SPECC1L: variants seen among roughly 807,000 people sequenced by gnomAD.
SPECC1L encodes the protein cytospin-A.
A neutral mutation model predicts 116.8 loss-of-function variants in SPECC1L; 40 were observed. The observed-to-expected ratio is 0.34, with a 90% CI of 0.27 to 0.45. SPECC1L has a LOEUF of 0.45. SPECC1L is among the 20% of genes least tolerant of loss of function. The pLI, the probability that SPECC1L is intolerant of heterozygous loss-of-function variation, is 1.00. For synonymous variants in SPECC1L, 504 were observed against 500.6 expected, an observed-to-expected ratio of 1.01 and a Z score of -0.09; for missense variants, 1,110 against 1,373.6, an observed-to-expected ratio of 0.81 and a Z score of 3.03.
At chr22:24,389,477 C>T (rs1315225668) in intron 14 of SPECC1L, among the ~76,000 whole-genome samples, 1 of 148,616 alleles carries the variant, frequency 6.7e-6, no homozygotes, top group Middle Eastern at 3.3e-3. Context: ...ATTTGTGACA[C>T]TTTTGTCCAG....
At chr22:24,400,914 C>T (rs1278346466) in intron 14 of SPECC1L, among the ~76,000 whole-genome samples, 1 of 152,144 alleles carries the variant, frequency 6.6e-6, no homozygotes, top group Non-Finnish European at 1.5e-5. Flanking sequence ...ACTGGGTTGT[C>T]TTTCTGTTGT....
At chr22:24,330,732 T>C (rs537702137) in intron 8 of SPECC1L, among the ~76,000 whole-genome samples, 2 of 152,282 alleles carry the variant, frequency 1.3e-5, no homozygotes, top group African/African-American at 4.8e-5. Flanking sequence ...TTTCTTTAGA[T>C]TGTAGCCTCA....
At chr22:24,273,259 A>G (rs1168970163) in intron 1 of SPECC1L, among the ~76,000 whole-genome samples, 1 of 152,240 alleles carries the variant, frequency 6.6e-6, no homozygotes, top group East Asian at 1.9e-4. Context: ...TATCATATAC[A>G]TATTTAAATC....
Position 24,385,021 on chromosome 22 carries a change from C to A in SPECC1L, c.3087+15701C>A, listed in dbSNP as rs1170010097. On this transcript the variant is annotated intron_variant, in intron 14 of 16. Transcript: ENST00000314328. ...GAGCTTGCAGTGAGCTGAGATCGCG[C>A]CACTGAACTCCACCCTGGGGCACAA... is the stretch of plus-strand genomic sequence containing the variant. Among the ~76,000 whole-genome samples, 8 of 150,550 alleles carry A rather than the reference C, an allele frequency of 5.3e-5. No homozygotes were observed. In the East Asian group the frequency reaches 1.4e-3, roughly 26 times the overall value.
chr22:24,392,217 G>A (rs916334506), intron 14 of SPECC1L, among the ~76,000 whole-genome samples: 7 of 152,192 alleles, frequency 4.6e-5, no homozygotes, highest in South Asian at 2.1e-4. Context: ...TTTTTATTAC[G>A]AGTAATGCTG....
chr22:24,331,442 T>A (rs5760347), intron 8 of SPECC1L, among the ~76,000 whole-genome samples: 6,770 of 152,310 alleles, frequency 0.044, 335 homozygotes, highest in South Asian at 0.14. Context: ...TTTTTTCTCT[T>A]TATTATTAAA....
chr22:24,402,425 C>T (rs909521472), intron 14 of SPECC1L, among the ~76,000 whole-genome samples: 2 of 152,084 alleles, frequency 1.3e-5, no homozygotes, highest in African/African-American at 4.8e-5. Flanking sequence ...CACCATACTA[C>T]ACAGAAAAGG....
Position 24,322,020 on chromosome 22 carries a change from G to A in SPECC1L, c.1040G>A (p.Ser347Asn). Reference sequence around the variant, plus strand: ...AGTAACTCCATGGACAATTTAGACAGTGAGTGCAGTGAGGTCTACCAGCCC... The same window carrying A: ...AGTAACTCCATGGACAATTTAGACAATGAGTGCAGTGAGGTCTACCAGCCC... ...QHSNSMDNLD[S>N]ECSEVYQPLT... Residue 347 changes from serine to asparagine, a missense_variant, in exon 5 of 17, where the codon AGT becomes AAT. Ser to Asn is a conservative substitution (Grantham distance 46, BLOSUM62 1). This residue lies in a region of SPECC1L where 437 missense variants were observed against 482.6 expected (regional missense o/e 0.91). Transcript: ENST00000314328. 1 of 1,614,220 alleles carries A rather than the reference G, an allele frequency of 6.2e-7. No homozygotes were observed. The highest frequency in any genetic ancestry group is 8.5e-7 in the Non-Finnish European group (1 of 1,180,042).
chr22:24,328,890 GAAAT>G lies in SPECC1L; in HGVS notation c.2195_2198del (p.Ile732ArgfsTer25). 3 of 1,613,742 alleles carry G rather than the reference GAAAT, an allele frequency of 1.9e-6. No homozygotes were observed. Among genetic ancestry groups the G allele is most frequent in the Non-Finnish European group, 2.5e-6 (3 of 1,179,740 alleles). The stretch of plus-strand genomic sequence containing the variant: ...GGACCAAAAGCACGACATGGAAAGA[GAAAT>G]AAAGACACTCCACAGAAGACTTCGG... On this transcript the variant is annotated frameshift_variant, in exon 7 of 17. Coordinates refer to ENST00000314328, the MANE Select transcript of SPECC1L (RefSeq NM_015330.6). LOFTEE classifies it high-confidence loss of function.
chr22:24,315,595 G>A (rs1314691751), intron 4 of SPECC1L, among the ~76,000 whole-genome samples: 3 of 152,214 alleles, frequency 2.0e-5, no homozygotes, highest in Admixed American at 1.3e-4. Context: ...CTTTAGAATT[G>A]TACTGGGAGA....
At chr22:24,384,932 T>TGGGCACCTGTAGTCCCA (rs1193845248) in intron 14 of SPECC1L, among the ~76,000 whole-genome samples, 5 of 151,362 alleles carry the variant, frequency 3.3e-5, no homozygotes, top group African/African-American at 1.2e-4. Context: ...AAAAATTAGG[T>TGGGCACCTGTAGTCCCA]GGGCACCTGT....
At chr22:24,272,055 T>TA (rs1344507349) in intron 1 of SPECC1L, among the ~76,000 whole-genome samples, 5 of 152,174 alleles carry the variant, frequency 3.3e-5, no homozygotes, top group Non-Finnish European at 7.4e-5. Context: ...ATGTAGGTGA[T>TA]ACCAAAGGGA....
intron 15 of SPECC1L, chr22:24,412,160 G>A (rs2042710671): frequency 2.9e-6 from 1 of 348,364 alleles, no homozygotes; most frequent in Admixed American, 3.9e-5. Context: ...ATGGTTTAAT[G>A]TTTCATCCAG....
chr22:24,290,287 G>T (rs2049132868), intron 2 of SPECC1L, among the ~76,000 whole-genome samples: 1 of 152,208 alleles, frequency 6.6e-6, no homozygotes, highest in South Asian at 2.1e-4. Context: ...TACCTGGAGT[G>T]GGGAGAGGAC....
At chr22:24,355,811 C>T (rs1218011752) in intron 11 of SPECC1L, among the ~76,000 whole-genome samples, 8 of 151,416 alleles carry the variant, frequency 5.3e-5, no homozygotes, top group Middle Eastern at 6.9e-3. Context: ...TTCTCTCCCT[C>T]CCTCCCCCCG....
chr22:24,276,996 C>T (rs1355401874), intron 2 of SPECC1L, among the ~76,000 whole-genome samples, 193 bp downstream of exon 2: 1 of 152,236 alleles, frequency 6.6e-6, no homozygotes, highest in African/African-American at 2.4e-5. Flanking sequence ...TTTAAATCTT[C>T]TGATCCATTT....
intron 14 of SPECC1L, among the ~76,000 whole-genome samples, chr22:24,379,805 A>G (rs1439128935): frequency 6.6e-6 from 1 of 152,176 alleles, no homozygotes; most frequent in Non-Finnish European, 1.5e-5. Flanking sequence ...AGCAAAGAGG[A>G]TACTGGTTCT....
At chr22:24,338,545 A>T in intron 10 of SPECC1L, 68 bp downstream of exon 10, 1 of 1,368,790 alleles carries the variant, frequency 7.3e-7, no homozygotes, top group Non-Finnish European at 1.0e-6. Context: ...TTTTCTTCAC[A>T]GTCATTTACA....
At chr22:24,371,508 T>C (rs1407521961) in intron 14 of SPECC1L, among the ~76,000 whole-genome samples, 1 of 152,212 alleles carries the variant, frequency 6.6e-6, no homozygotes. Flanking sequence ...TTCATTTTTT[T>C]CTGATCACAA....
Sources: allele counts gnomAD v4.1 joint callset (sites outside exome capture counted in the v4.1 genomes callset), GRCh38; gene constraint gnomAD v4.1.1; regional missense constraint gnomAD v4.1.1; transcripts MANE v1.5; gene names NCBI Gene and HGNC (gene_info 2026-07-23, HGNC 2026-07-21).